PRMT3: variants seen among roughly 807,000 people sequenced by gnomAD.
The protein encoded by PRMT3 is protein arginine N-methyltransferase 3.
Under a neutral mutation model 71.9 loss-of-function variants are expected in PRMT3, and 62 were observed. The ratio of observed to expected loss-of-function variants is 0.86; its 90% CI spans 0.70 to 1.07. The LOEUF (loss-of-function observed/expected upper bound fraction) is 1.07, where lower values mean the gene tolerates loss of function less well. Among genes scored for constraint, PRMT3 ranks in the 50% least tolerant of loss-of-function variants. PRMT3 has a pLI of 0.00. For synonymous variants in PRMT3, 213 were observed against 220.4 expected (o/e 0.97, Z 0.30); for missense variants, 663 against 643.0 (o/e 1.03, Z -0.34).
intron 11 of PRMT3, among the ~76,000 whole-genome samples, chr11:20,458,807 A>G (rs1441748629): frequency 6.6e-6 from 1 of 152,218 alleles, no homozygotes; most frequent in Non-Finnish European, 1.5e-5. Context: ...AATAATTTGA[A>G]AAATACACAA....
At chr11:20,392,618 CTTTG>C (rs1488618447) in intron 4 of PRMT3, among the ~76,000 whole-genome samples, 25 of 140,974 alleles carry the variant, frequency 1.8e-4, no homozygotes, top group Admixed American at 1.6e-3. Flanking sequence ...TTTTCAGATA[CTTTG>C]TTTTTTTTTT....
At chr11:20,453,134 T>G (rs780812474) in intron 11 of PRMT3, among the ~76,000 whole-genome samples, 14 of 152,046 alleles carry the variant, frequency 9.2e-5, no homozygotes, top group Non-Finnish European at 1.8e-4. Flanking sequence ...ACCATAGTTA[T>G]GCCTCCTACC....
At chr11:20,415,017 G>GGGGT (rs1555009388) in intron 9 of PRMT3, among the ~76,000 whole-genome samples, 5 of 135,316 alleles carry the variant, frequency 3.7e-5, no homozygotes, top group African/African-American at 1.0e-4. Flanking sequence ...TGGTGGTAGT[G>GGGGT]GTGTGTGTGT....
In PRMT3 at chr11:20,446,902, T is replaced by C. The variant is rs186383227; in HGVS notation, c.994-5228T>C. On this transcript the variant is annotated intron_variant, in intron 10 of 15. Coordinates refer to ENST00000331079, the MANE Select transcript of PRMT3 (RefSeq NM_005788.4). ...AACAGTGTAATATAATCTTTATCAG[T>C]CACTGTGGAGCTGTAAGGAAAGTAT... Among the ~76,000 whole-genome samples, 5 of 152,260 alleles carry C rather than the reference T, an allele frequency of 3.3e-5. No homozygotes were observed. In the East Asian group the frequency reaches 9.6e-4, roughly 29 times the overall value.
chr11:20,452,468 A>G (rs564666453), intron 11 of PRMT3, among the ~76,000 whole-genome samples: 2 of 152,326 alleles, frequency 1.3e-5, no homozygotes, highest in African/African-American at 4.8e-5. Flanking sequence ...TCTAAAGACT[A>G]GGTTTTGGAA....
intron 10 of PRMT3, among the ~76,000 whole-genome samples, chr11:20,437,154 CT>C (rs895561639): frequency 1.5e-4 from 22 of 150,908 alleles, no homozygotes; most frequent in African/African-American, 5.1e-4. Flanking sequence ...GGTGTTTTCT[CT>C]TTTTTTTTCT....
intron 7 of PRMT3, among the ~76,000 whole-genome samples, chr11:20,399,412 A>C (rs1848900597): frequency 6.6e-6 from 1 of 152,196 alleles, no homozygotes; most frequent in Non-Finnish European, 1.5e-5. Context: ...TCACGTAGGT[A>C]ATGGCATAAC....
At chr11:20,503,756 T>G (rs1173463317) in intron 15 of PRMT3, among the ~76,000 whole-genome samples, 1 of 152,142 alleles carries the variant, frequency 6.6e-6, no homozygotes, top group African/African-American at 2.4e-5. Context: ...TGCTTTCAGT[T>G]AGGGGCCATT....
chr11:20,431,499 A>G (rs1262093484), intron 10 of PRMT3, among the ~76,000 whole-genome samples: 2 of 152,164 alleles, frequency 1.3e-5, no homozygotes, highest in East Asian at 3.8e-4. Flanking sequence ...GTAACTCATG[A>G]GCGAGCTACT....
At chr11:20,435,501 A>AT (rs1849742728) in intron 10 of PRMT3, among the ~76,000 whole-genome samples, 2 of 151,988 alleles carry the variant, frequency 1.3e-5, no homozygotes, top group Non-Finnish European at 2.9e-5. Flanking sequence ...TTTTTAGTTG[A>AT]TTTTTGTATA....
intron 13 of PRMT3, among the ~76,000 whole-genome samples, chr11:20,466,777 CAA>C (rs1850523156): frequency 6.6e-6 from 1 of 151,736 alleles, no homozygotes; most frequent in South Asian, 2.1e-4. Context: ...TAAAACAAAA[CAA>C]GAAAAAAATT....
At chr11:20,489,800 GAGTT>G (rs1337106299) in intron 13 of PRMT3, among the ~76,000 whole-genome samples, 1 of 148,890 alleles carries the variant, frequency 6.7e-6, no homozygotes. Context: ...TTTTAATTAA[GAGTT>G]AGTAGCATGC....
intron 10 of PRMT3, among the ~76,000 whole-genome samples, chr11:20,432,086 C>T (rs1408698105): frequency 3.9e-5 from 6 of 151,908 alleles, no homozygotes; most frequent in Non-Finnish European, 7.4e-5. Context: ...TATTTTTGTT[C>T]TTGTCTGTGC....
At position 20,388,004 on chromosome 11, in the gene PRMT3, G is replaced by GTT; in HGVS notation, c.29-14_29-13insTT. On this transcript the variant is annotated splice_polypyrimidine_tract_variant and intron_variant, in intron 1 of 15. Coordinates refer to ENST00000331079, the MANE Select transcript of PRMT3 (RefSeq NM_005788.4). ...GGTGTCCGAGGCCGATCTGATTGTTGTGTGTGTGTGTTAGGCGGCCGGGGC... is the reference window on the plus strand; with the variant it reads ...GGTGTCCGAGGCCGATCTGATTGTTGTTTGTGTGTGTGTTAGGCGGCCGGGGC... The GTT allele has an allele frequency of 6.3e-7, 1 of 1,595,602 alleles. No homozygotes were observed. Among genetic ancestry groups the GTT allele is most frequent in the Non-Finnish European group, 8.6e-7 (1 of 1,168,210 alleles).
At position 20,505,508 on chromosome 11, in the gene PRMT3, A is replaced by G. The variant is rs534438959; in HGVS notation, c.1487-2796A>G. ...TTGTTGATTCAGTGTTGGCAATTCA[A>G]TAACAGTAAGTTAAACCCAATAACC... On this transcript the variant is annotated intron_variant, in intron 15 of 15. Coordinates refer to ENST00000331079, the MANE Select transcript of PRMT3 (RefSeq NM_005788.4). Among the ~76,000 whole-genome samples the G allele has an allele frequency of 2.6e-5, 4 of 152,344 alleles. No individual in the cohort carries two copies. In the South Asian group the frequency reaches 6.2e-4, roughly 24 times the overall value.
chr11:20,390,149 CA>C (rs10634828), intron 3 of PRMT3, among the ~76,000 whole-genome samples: 6,929 of 145,722 alleles, frequency 0.048, 266 homozygotes, highest in East Asian at 0.2. Flanking sequence ...AGACTCTTCT[CA>C]AAAAAAAAAA....
In PRMT3 at chr11:20,395,898, G is replaced by A. The variant is rs770314803; in HGVS notation, c.496G>A (p.Glu166Lys). ...TGTTGTTGAAAAATTGAAACATATG[G>A]AAGCCAGGGCACTGTCTGCTGAAGC... Reference protein sequence around the residue: ...TSVVEKLKHMEARALSAEAAL... With the variant: ...TSVVEKLKHMKARALSAEAAL... Residue 166 changes from glutamate (E) to lysine (K), a missense_variant, in exon 6 of 16, where the codon GAA becomes AAA. By Grantham distance (56) the Glu-to-Lys change is moderately conservative. Coordinates refer to ENST00000331079, the MANE Select transcript of PRMT3 (RefSeq NM_005788.4). The A allele has an allele frequency of 6.2e-7, 1 of 1,614,120 alleles. No homozygotes were observed. Among genetic ancestry groups the A allele is most frequent in the Non-Finnish European group, 8.5e-7 (1 of 1,180,020 alleles).
intron 10 of PRMT3, among the ~76,000 whole-genome samples, chr11:20,442,665 A>G (rs1849935397): frequency 6.6e-6 from 1 of 152,118 alleles, no homozygotes; most frequent in Admixed American, 6.6e-5. Context: ...CAACTTTCCT[A>G]GACAGGTATT....
At chr11:20,436,942 A>C (rs1025551152) in intron 10 of PRMT3, among the ~76,000 whole-genome samples, 1 of 152,020 alleles carries the variant, frequency 6.6e-6, no homozygotes, top group Admixed American at 6.6e-5. Flanking sequence ...TTTATTACAG[A>C]TTCAATCTAG....
Sources: gnomAD v4.1 joint callset for allele counts (sites outside exome capture counted in the v4.1 genomes callset) on GRCh38, gnomAD v4.1.1 for gene constraint, MANE v1.5 for transcripts, NCBI Gene and HGNC (gene_info 2026-07-23, HGNC 2026-07-21) for gene names.